Variants in DNAH2 observed in about 807,000 individuals in gnomAD.
The protein encoded by DNAH2 is axonemal beta dynein heavy chain 2.
Under a neutral mutation model 523.5 loss-of-function variants are expected in DNAH2, and 323 were observed. The observed-to-expected ratio is 0.62, with a 90% CI of 0.56 to 0.68. The LOEUF (loss-of-function observed/expected upper bound fraction) is 0.68, where lower values mean the gene tolerates loss of function less well. DNAH2 is among the 30% of genes least tolerant of loss of function. The probability of loss-of-function intolerance (pLI) is 0.00; values close to 1 mark genes in which losing one functional copy is unlikely to be tolerated. For missense variants in DNAH2, 4,907 were observed against 5,701.5 expected (o/e 0.86, Z 4.49); for synonymous variants, 2,093 against 2,177.4 (o/e 0.96, Z 1.08).
intron 39 of DNAH2, 55 bp downstream of exon 39, chr17:7,781,222 C>A: frequency 6.2e-7 from 1 of 1,606,070 alleles, no homozygotes; most frequent in East Asian, 2.2e-5. Context: ...TGGTTGTAAT[C>A]CCAGCACTTT....
In DNAH2 at chr17:7,832,436, G is replaced by A; in HGVS notation, c.12727-143G>A. The A allele has an allele frequency of 1.1e-6, 1 of 944,068 alleles. No homozygotes were observed. Among genetic ancestry groups the A allele is most frequent in the Non-Finnish European group, 1.6e-6 (1 of 629,208 alleles). The allele number at this position is 944,068 out of a possible 1,614,324, so 58.5% of individuals were successfully genotyped here. A position where few individuals can be genotyped will look rare whatever the true frequency, so the allele number is the denominator to read the frequency against. On this transcript the variant is annotated intron_variant, in intron 82 of 85. Transcript: ENST00000572933. The surrounding 1 kb of genome is among the most constrained non-coding windows in gnomAD (Gnocchi z 4.3). ...GAGGCAGGAGAATAGCTTAACTTGG[G>A]AGGTGGAGGTTGCAGTGAGCCAAGA...
chr17:7,818,976 G>A lies in DNAH2; in HGVS notation c.10728G>A (p.Leu3576=), dbSNP rs140765922. Residue 3576 remains leucine (L), a synonymous_variant, in exon 71 of 86, where the codon CTG becomes CTA. Transcript: ENST00000572933. The part of the protein sequence containing the change: ...LLDDVQLVNT[L]HTSKITATEV... The stretch of plus-strand genomic sequence containing the variant: ...ATGATGTGCAGCTGGTGAACACGCT[G>A]CATACCTCCAAGATCACAGCCACAG... The A allele has an allele frequency of 6.2e-7, 1 of 1,612,012 alleles. No homozygotes were observed. Among genetic ancestry groups the A allele is most frequent in the South Asian group, 1.1e-5 (1 of 91,070 alleles).
Position 7,720,014 on chromosome 17 carries a change from G to A in DNAH2, c.166+114G>A, listed in dbSNP as rs937105657. Reference sequence around the variant, plus strand: ...GCGCTGTTGCTTCTGGGCAGGAAACGGGCTAAGTGACGCCCCCAGCCATGG... The same window carrying A: ...GCGCTGTTGCTTCTGGGCAGGAAACAGGCTAAGTGACGCCCCCAGCCATGG... On this transcript the variant is annotated intron_variant, in intron 2 of 85. Coordinates refer to ENST00000572933, the MANE Select transcript of DNAH2 (RefSeq NM_020877.5). The A allele has an allele frequency of 1.5e-5, 19 of 1,309,628 alleles. No individual in the cohort carries two copies. The African/African-American group carries it at 1.8e-4, about 12-fold the overall frequency. 81.1% of individuals were successfully genotyped at this position (1,309,628 alleles called of 1,614,324 possible).
chr17:7,765,589 G>A (rs747459759), intron 21 of DNAH2, 24 bp downstream of exon 21: 54 of 1,597,500 alleles, frequency 3.4e-5, no homozygotes, highest in Admixed American at 1.9e-4. Flanking sequence ...CACCTCTCCC[G>A]CTTCTTTAGC....
At chr17:7,779,816 G>C (rs1238293692) in intron 36 of DNAH2, among the ~76,000 whole-genome samples, 1 of 152,176 alleles carries the variant, frequency 6.6e-6, no homozygotes, top group South Asian at 2.1e-4. Flanking sequence ...GGATAGGAAA[G>C]GGTTTAGGAA....
intron 63 of DNAH2, among the ~76,000 whole-genome samples, chr17:7,813,006 G>A (rs1366102234): frequency 3.3e-5 from 5 of 151,566 alleles, no homozygotes; most frequent in Non-Finnish European, 7.4e-5. Context: ...AAGACTACTT[G>A]TATATGTATA....
rs751931576 is a variant in DNAH2, at chr17:7,776,775, C to T, written c.4948-4C>T. 6.2e-7 allele frequency: 1 copy of T among 1,611,002 alleles called. No individual in the cohort carries two copies. Among genetic ancestry groups the T allele is most frequent in the Admixed American group, 1.7e-5 (1 of 59,916 alleles). ...TTTGGGACGTGGCTTCTGCACATCC[C>T]CAGGTGGTGATCACTGCCAGTCAGA... On this transcript the variant is annotated splice_region_variant and splice_polypyrimidine_tract_variant and intron_variant, in intron 31 of 85. Transcript: ENST00000572933.
At position 7,757,074 on chromosome 17, in the gene DNAH2, G is replaced by T; in HGVS notation, c.1905-17G>T. On this transcript the variant is annotated splice_polypyrimidine_tract_variant and intron_variant, in intron 12 of 85. Coordinates refer to ENST00000572933, the MANE Select transcript of DNAH2 (RefSeq NM_020877.5). ...CCTCGTGCGGTCCCCTCACTGCCTG[G>T]CTGCTCTCTCTCAAAGGTCCCTTCT... 1 of 1,613,796 alleles carries T rather than the reference G, an allele frequency of 6.2e-7. No homozygotes were observed. Among genetic ancestry groups the T allele is most frequent in the Non-Finnish European group, 8.5e-7 (1 of 1,179,804 alleles).
Position 7,757,774 on chromosome 17 carries a change from G to A in DNAH2, c.2051+537G>A, listed in dbSNP as rs138350593. Among the ~76,000 whole-genome samples, 292 of 152,318 alleles carry A rather than the reference G, an allele frequency of 1.9e-3. 2 individuals carry two copies. The highest frequency in any genetic ancestry group is 6.8e-3 in the African/African-American group (281 of 41,580). On this transcript the variant is annotated intron_variant, in intron 13 of 85. Transcript: ENST00000572933. ...TGGGGGCTGGTGAGTCCAAGAGCAAGGCACCAGCAGATTTGGTGTCTGGTG... is the reference window on the plus strand; with the variant it reads ...TGGGGGCTGGTGAGTCCAAGAGCAAAGCACCAGCAGATTTGGTGTCTGGTG...
At position 7,788,148 on chromosome 17, in the gene DNAH2, G is replaced by C. The variant is rs768975853; in HGVS notation, c.6804G>C (p.Lys2268Asn). The change falls in exon 44 of 86, where the codon AAG becomes AAC. Residue 2268 changes from lysine to asparagine, a missense_variant. By Grantham distance (94) the Lys-to-Asn change is moderately conservative. Transcript: ENST00000572933. ...EKLINKMLAF[K>N]KDNCKELVPL... ...TCATCAACAAGATGCTGGCCTTTAA[G>C]AAGGACAACTGCAAGGAGCTGGTGC... 2.5e-6 allele frequency: 4 copies of C among 1,614,208 alleles called. 1 individual carries two copies. The South Asian group carries it at 4.4e-5, about 18-fold the overall frequency.
intron 39 of DNAH2, among the ~76,000 whole-genome samples, chr17:7,782,465 G>C (rs1329375974): frequency 6.6e-6 from 1 of 152,130 alleles, no homozygotes; most frequent in African/African-American, 2.4e-5. Flanking sequence ...AGTGCCCCCA[G>C]GTGACTGGAA....
chr17:7,719,819 G>C lies in DNAH2; in HGVS notation c.85G>C (p.Ala29Pro). The change falls in exon 2 of 86, where the codon GCT (alanine) becomes CCT (proline). Residue 29 changes from alanine (A) to proline (P), a missense_variant. Transcript: ENST00000572933. ...ASWSGRATRA[A>P]VATQEQGNAP... ...CTGGTCAGGGCGGGCCACTCGGGCT[G>C]CTGTGGCCACACAGGAGCAGGGGAA... 1 of 1,612,592 alleles carries C rather than the reference G, an allele frequency of 6.2e-7. No individual in the cohort carries two copies.
intron 39 of DNAH2, among the ~76,000 whole-genome samples, chr17:7,785,034 T>C (rs763435980): frequency 5.9e-5 from 9 of 151,508 alleles, no homozygotes; most frequent in Non-Finnish European, 8.8e-5. Flanking sequence ...AAAGCCCGAG[T>C]GTTTGGAAAT....
chr17:7,812,767 CAAAAAAAAAAA>C (rs59534940), intron 63 of DNAH2, among the ~76,000 whole-genome samples: 6 of 23,820 alleles, frequency 2.5e-4, no homozygotes, highest in African/African-American at 7.0e-4. Context: ...CTAAAAATAC[CAAAAAAAAAAA>C]AAAAAAAAAA....
chr17:7,804,543 C>T (rs369326804), intron 59 of DNAH2, 77 bp downstream of exon 59: 155 of 1,509,020 alleles, frequency 1.0e-4, no homozygotes, highest in Middle Eastern at 2.4e-4. Context: ...CATGTTCCCC[C>T]CTTCTTAAAT....
chr17:7,774,590 T>C (rs2151229963), intron 28 of DNAH2, among the ~76,000 whole-genome samples, 169 bp from the exon 29 acceptor site: 1 of 152,196 alleles, frequency 6.6e-6, no homozygotes, highest in South Asian at 2.1e-4. Context: ...ACAGAGAGAA[T>C]GGGTTGAGCA....
In DNAH2 at chr17:7,776,036, G is replaced by A. The variant is rs758120414; in HGVS notation, c.4834G>A (p.Asp1612Asn). The change falls in exon 31 of 86, where the codon GAT becomes AAT. Residue 1612 changes from aspartate to asparagine, a missense_variant. Around this residue, in one of 3 missense-constraint regions of DNAH2, gnomAD observed 2,806 missense variants for 3,190.8 expected, o/e 0.88. Transcript: ENST00000572933. ...LEGPVESWLG[D>N]VEQTMRVTLR... ...CACCTCCCCCCAGTCCTGGCTTGGC[G>A]ATGTGGAACAGACCATGAGGGTGAC... The A allele has an allele frequency of 6.8e-6, 11 of 1,613,930 alleles. No homozygotes were observed. The highest frequency in any genetic ancestry group is 5.9e-6 in the Non-Finnish European group (7 of 1,179,856).
rs531797120 is a variant in DNAH2, at chr17:7,832,215, A to G, written c.12727-364A>G. ...CTCATATCTGCTTCAGGTGCTCAAA[A>G]TAAGGATTTGGGCTGGACGCGGTGG... is the stretch of plus-strand genomic sequence containing the variant. On this transcript the variant is annotated intron_variant, in intron 82 of 85. Transcript: ENST00000572933. The surrounding 1 kb of genome is among the most constrained non-coding windows in gnomAD (Gnocchi z 4.3). 1.6e-4 allele frequency among the ~76,000 whole-genome samples: 25 copies of G among 152,244 alleles called. 1 individual carries two copies. In the Middle Eastern group the frequency reaches 0.017, roughly 104 times the overall value.
At chr17:7,819,117 C>G (rs1457588697) in intron 71 of DNAH2, 54 bp downstream of exon 71, 8 of 1,602,004 alleles carry the variant, frequency 5.0e-6, no homozygotes, top group Non-Finnish European at 6.8e-6. Flanking sequence ...AGATGCAACT[C>G]CATCATGACG....
Sources: allele counts gnomAD v4.1 joint callset (sites outside exome capture counted in the v4.1 genomes callset), GRCh38; gene constraint gnomAD v4.1.1; regional missense constraint gnomAD v4.1.1; non-coding constraint Gnocchi (gnomAD v3.1); transcripts MANE v1.5; gene names NCBI Gene and HGNC (gene_info 2026-07-23, HGNC 2026-07-21).